Variants in PCDHA8 observed in about 807,000 individuals in gnomAD.
PCDHA8 encodes the protein protocadherin alpha 8.
Under a neutral mutation model 61.8 loss-of-function variants are expected in PCDHA8, and 53 were observed. The observed-to-expected ratio is 0.86, with a 90% CI of 0.69 to 1.08. The LOEUF (loss-of-function observed/expected upper bound fraction) is 1.08, where lower values mean the gene tolerates loss of function less well. Ranked by LOEUF, PCDHA8 falls within the 50% of genes least tolerant of loss-of-function variation. The pLI is 0.00. For missense variants in PCDHA8, 1,293 were observed against 1,245.0 expected, an observed-to-expected ratio of 1.04 and a Z score of -0.58; for synonymous variants, 618 against 556.6, an observed-to-expected ratio of 1.11 and a Z score of -1.55.
intron 3 of PCDHA8, among the ~76,000 whole-genome samples, chr5:140,992,214 C>G (rs2097499658): frequency 6.6e-6 from 1 of 152,152 alleles, no homozygotes; most frequent in Non-Finnish European, 1.5e-5. Flanking sequence ...ATAAACTACT[C>G]TCCCTTCCTG....
intron 1 of PCDHA8, chr5:140,927,371 G>GCTACAGCCTAAGCC: frequency 6.2e-7 from 1 of 1,614,080 alleles, no homozygotes; most frequent in Non-Finnish European, 8.5e-7. Context: ...GGGATACTAA[G>GCTACAGCCTAAGCC]CTACAGCCTA....
chr5:140,910,371 A>G (rs2153514600), intron 1 of PCDHA8, among the ~76,000 whole-genome samples: 1 of 152,246 alleles, frequency 6.6e-6, no homozygotes, highest in South Asian at 2.1e-4. Flanking sequence ...AGCTATGCCC[A>G]CCTTGCCTTT....
At chr5:140,946,516 C>T (rs551838143) in intron 1 of PCDHA8, among the ~76,000 whole-genome samples, 42 of 151,130 alleles carry the variant, frequency 2.8e-4, no homozygotes, top group African/African-American at 8.3e-4. Flanking sequence ...AAGACCTATC[C>T]GCACTCCCAT....
At chr5:140,890,629 A>G (rs6883083) in intron 1 of PCDHA8, among the ~76,000 whole-genome samples, 2 of 152,158 alleles carry the variant, frequency 1.3e-5, no homozygotes, top group Admixed American at 1.3e-4. Context: ...AAAATTAAGC[A>G]TGTATCCTTG....
At chr5:140,880,870 G>T (rs1413243877) in intron 1 of PCDHA8, among the ~76,000 whole-genome samples, 1 of 152,142 alleles carries the variant, frequency 6.6e-6, no homozygotes, top group East Asian at 1.9e-4. Context: ...ATGTGAAGAG[G>T]TAAATAAAGA....
rs2150317250 is a variant in PCDHA8, at chr5:140,841,517, G to C, written c.196G>C (p.Val66Leu). 1 of 1,613,540 alleles carries C rather than the reference G, an allele frequency of 6.2e-7. No individual in the cohort carries two copies. The highest frequency in any genetic ancestry group is 8.5e-7 in the Non-Finnish European group (1 of 1,179,958). ...GGAGCTGGTGCCGCGCCTGTTCCGGGTGGCGTCCAAAAGACACCGGGACCT... is the reference window on the plus strand; with the variant it reads ...GGAGCTGGTGCCGCGCCTGTTCCGGCTGGCGTCCAAAAGACACCGGGACCT... ...LAELVPRLFR[V>L]ASKRHRDLLE... Residue 66 changes from valine to leucine, a missense_variant, in exon 1 of 4, where the codon GTG (valine) becomes CTG (leucine). Coordinates refer to ENST00000531613, the MANE Select transcript of PCDHA8 (RefSeq NM_018911.3).
At chr5:140,873,665 A>G (rs1554166831) in intron 1 of PCDHA8, among the ~76,000 whole-genome samples, 1 of 152,034 alleles carries the variant, frequency 6.6e-6, no homozygotes. Flanking sequence ...CACTATTATT[A>G]TTTGTTTCTT....
At chr5:140,995,936 T>C (rs1554254905) in intron 3 of PCDHA8, among the ~76,000 whole-genome samples, 1 of 152,220 alleles carries the variant, frequency 6.6e-6, no homozygotes, top group Non-Finnish European at 1.5e-5. Context: ...AAGTATTAAA[T>C]GACATAATGC....
chr5:140,928,106 G>GGGA lies in PCDHA8; in HGVS notation c.2395-50841_2395-50839dup, dbSNP rs2084940814. The stretch of plus-strand genomic sequence containing the variant: ...CTGCTGATTGATGGGCCCCTGGACC[G>GGGA]GGAGCAGATCAGTGAATACCAAGTC... On this transcript the variant is annotated intron_variant, in intron 1 of 3. Coordinates refer to ENST00000531613, the MANE Select transcript of PCDHA8 (RefSeq NM_018911.3). The GGGA allele has an allele frequency of 1.9e-6, 3 of 1,614,032 alleles. No individual in the cohort carries two copies. In the South Asian group the frequency reaches 3.3e-5, roughly 18 times the overall value.
At chr5:140,883,217 G>A (rs868963567) in intron 1 of PCDHA8, 1 of 1,613,990 alleles carries the variant, frequency 6.2e-7, no homozygotes, top group Non-Finnish European at 8.5e-7. Context: ...GAAATTATAT[G>A]AAATATCCGT....
chr5:140,966,727 C>T (rs1330950109), intron 1 of PCDHA8: 4 of 1,405,404 alleles, frequency 2.8e-6, no homozygotes, highest in East Asian at 2.8e-5. Context: ...AAGCTGCCGC[C>T]TCCGGCCCTG....
At chr5:140,967,219 C>G in intron 1 of PCDHA8, 1 of 1,613,772 alleles carries the variant, frequency 6.2e-7, no homozygotes, top group Non-Finnish European at 8.5e-7. Flanking sequence ...TCCCGCGGCC[C>G]AACTACCAGC....
intron 1 of PCDHA8, among the ~76,000 whole-genome samples, chr5:140,916,543 G>A (rs1554197499): frequency 6.6e-6 from 1 of 152,152 alleles, no homozygotes; most frequent in Non-Finnish European, 1.5e-5. Context: ...AAGGCAATGG[G>A]TTTTCTATTT....
chr5:140,893,817 C>T (rs951661016), intron 1 of PCDHA8, among the ~76,000 whole-genome samples: 73 of 152,098 alleles, frequency 4.8e-4, no homozygotes, highest in African/African-American at 1.7e-3. Context: ...AGTCTGGTAC[C>T]GTAGACTACT....
At chr5:140,916,377 C>T (rs1436518298) in intron 1 of PCDHA8, among the ~76,000 whole-genome samples, 4 of 152,092 alleles carry the variant, frequency 2.6e-5, no homozygotes, top group African/African-American at 9.7e-5. Flanking sequence ...CTGTAGCCAC[C>T]ACAACTAGGA....
chr5:140,869,687 T>C, intron 1 of PCDHA8: 1 of 1,613,474 alleles, frequency 6.2e-7, no homozygotes, highest in Non-Finnish European at 8.5e-7. Context: ...CTGTCACTTA[T>C]TTTAAAGAAG....
intron 1 of PCDHA8, among the ~76,000 whole-genome samples, chr5:140,909,245 G>T (rs189143592): frequency 2.6e-5 from 4 of 152,288 alleles, no homozygotes; most frequent in African/African-American, 7.2e-5. Flanking sequence ...AAGATATATT[G>T]CTGGCCTTGC....
intron 1 of PCDHA8, among the ~76,000 whole-genome samples, chr5:140,899,014 T>C (rs2067098044): frequency 6.6e-6 from 1 of 151,934 alleles, no homozygotes. Context: ...TGTATAAGAA[T>C]GCTTGTGATT....
intron 1 of PCDHA8, chr5:140,852,531 C>G (rs1197831362): frequency 2.2e-6 from 1 of 450,452 alleles, no homozygotes; most frequent in African/African-American, 2.1e-5. Context: ...CCACCTCGGC[C>G]TCCCAAAGTG....
Sources: gnomAD v4.1 joint callset for allele counts (sites outside exome capture counted in the v4.1 genomes callset) on GRCh38, gnomAD v4.1.1 for gene constraint, MANE v1.5 for transcripts, NCBI Gene and HGNC (gene_info 2026-07-23, HGNC 2026-07-21) for gene names.